The following TTC28 variants were observed in gnomAD, a reference collection of about 807,000 sequenced individuals.
The protein encoded by TTC28 is tetratricopeptide repeat domain 28, also known as tetratricopeptide repeat protein 28.
Under a neutral mutation model 198.0 loss-of-function variants are expected in TTC28, and 61 were observed. The observed-to-expected ratio is 0.31, with a 90% confidence interval of 0.25 to 0.38. The LOEUF is 0.38. TTC28 is among the 10% of genes least tolerant of loss of function. TTC28 has a pLI of 1.00. For synonymous variants in TTC28, 1,171 were observed against 1,297.8 expected (o/e 0.90, Z 2.10); for missense variants, 2,678 against 3,164.0 (o/e 0.85, Z 3.69).
intron 2 of TTC28, among the ~76,000 whole-genome samples, chr22:28,449,599 C>G (rs1242910508): frequency 6.6e-6 from 1 of 152,170 alleles, no homozygotes; most frequent in East Asian, 1.9e-4. Context: ...TCAAGTCAGT[C>G]AGATCCAAAG....
intron 1 of TTC28, among the ~76,000 whole-genome samples, chr22:28,650,257 T>C (rs2051543750): frequency 6.6e-6 from 1 of 152,076 alleles, no homozygotes; most frequent in South Asian, 2.1e-4. Context: ...AAAGGAAAAT[T>C]GATCACCCTT....
At chr22:28,564,035 C>T (rs1054798994) in intron 2 of TTC28, among the ~76,000 whole-genome samples, 2 of 152,120 alleles carry the variant, frequency 1.3e-5, no homozygotes, top group African/African-American at 4.8e-5. Context: ...AAACCAGATA[C>T]AAATAATCAC....
intron 2 of TTC28, among the ~76,000 whole-genome samples, chr22:28,321,332 T>C (rs2145848569): frequency 6.6e-6 from 1 of 152,356 alleles, no homozygotes; most frequent in African/African-American, 2.4e-5. Flanking sequence ...AATCAACGGT[T>C]GCTAATGGAA....
intron 2 of TTC28, among the ~76,000 whole-genome samples, chr22:28,497,674 A>T (rs2048476198): frequency 6.6e-6 from 1 of 152,212 alleles, no homozygotes; most frequent in Non-Finnish European, 1.5e-5. Flanking sequence ...GGGATCGGAA[A>T]TACATATGTA....
In TTC28 at chr22:28,590,188, C is replaced by T. The variant is rs572971676; in HGVS notation, c.381+39364G>A. 2.3e-3 allele frequency among the ~76,000 whole-genome samples: 344 copies of T among 147,536 alleles called. 5 individuals carry two copies. Among genetic ancestry groups the T allele is most frequent in the Admixed American group, 2.1e-3 (31 of 14,824 alleles). ...TGTCGCCCAGGCTGGAGTGCAGCGG[C>T]GCAATCTCGGCTCACTGCAAGCTCC... On this transcript the variant is annotated intron_variant, in intron 2 of 22. Transcript: ENST00000397906.
In TTC28 at chr22:28,105,552, C is replaced by A; in HGVS notation, c.3034G>T (p.Glu1012Ter). Residue 1012 changes from glutamate to a stop codon, truncating the protein, a stop_gained, in exon 8 of 23, where the codon GAG becomes TAG. Transcript: ENST00000397906. LOFTEE classifies it high-confidence loss of function. Reference protein sequence around the residue: ...GLGGVYQQMGEYDTALQYHQL... With the variant: ...GLGGVYQQMG ...TGGTACTGCAGGGCTGTGTCATACT[C>A]CCCCATCTGCTGGTAAACGCCCCCC... 1 of 1,551,716 alleles carries A rather than the reference C, an allele frequency of 6.4e-7. No homozygotes were observed. Among genetic ancestry groups the A allele is most frequent in the South Asian group, 1.2e-5 (1 of 84,062 alleles).
chr22:28,041,584 C>T (rs1366645095), intron 12 of TTC28, among the ~76,000 whole-genome samples: 1 of 151,956 alleles, frequency 6.6e-6, no homozygotes, highest in Non-Finnish European at 1.5e-5. Flanking sequence ...AAATTAACTC[C>T]AGATGGATTT....
intron 6 of TTC28, among the ~76,000 whole-genome samples, chr22:28,152,056 T>C (rs1165064297): frequency 6.6e-6 from 1 of 152,224 alleles, no homozygotes; most frequent in Admixed American, 6.5e-5. Context: ...GGATCCTGCC[T>C]CTGCTGCTTA....
At chr22:28,303,856 C>CAAAAAAAAAAAAAAAA (rs202209435) in intron 3 of TTC28, 1 of 99,454 alleles carries the variant, frequency 1.0e-5, no homozygotes, top group Non-Finnish European at 2.1e-5. Flanking sequence ...CTTTAAAATA[C>CAAAAAAAAAAAAAAAA]AAAAAAAAAA....
chr22:28,427,164 T>C (rs2047362498), intron 2 of TTC28, among the ~76,000 whole-genome samples: 1 of 152,256 alleles, frequency 6.6e-6, no homozygotes, highest in South Asian at 2.1e-4. Flanking sequence ...TGGGGAAATA[T>C]TAAATTCAGA....
At chr22:28,071,960 A>G (rs1940999306) in intron 12 of TTC28, among the ~76,000 whole-genome samples, 1 of 152,134 alleles carries the variant, frequency 6.6e-6, no homozygotes, top group Non-Finnish European at 1.5e-5. Flanking sequence ...ATGTGTTACT[A>G]GGAATCGGAA....
rs370892327 is a variant in TTC28, at chr22:28,101,185, C to T, written c.3403G>A (p.Glu1135Lys). The change falls in exon 9 of 23, where the codon GAG becomes AAG. Residue 1135 changes from glutamate to lysine, a missense_variant. Glu to Lys is a moderately conservative substitution (Grantham distance 56, BLOSUM62 1). Transcript: ENST00000397906. ...LSLWASGNLE[E>K]AQHQLYRASA... Reference sequence around the variant, plus strand: ...GTTCTGCTTACCTGGTGTTGGGCCTCCTCCAAGTTTCCACTAGCCCAAAGG... The same window carrying T: ...GTTCTGCTTACCTGGTGTTGGGCCTTCTCCAAGTTTCCACTAGCCCAAAGG... 2.3e-5 allele frequency: 36 copies of T among 1,550,696 alleles called. No individual in the cohort carries two copies. The highest frequency in any genetic ancestry group is 1.7e-4 in the Middle Eastern group (1 of 6,012).
chr22:28,537,301 A>AATAAC (rs2049306367), intron 2 of TTC28, among the ~76,000 whole-genome samples: 235 of 124,124 alleles, frequency 1.9e-3, no homozygotes, highest in Middle Eastern at 4.0e-3. Flanking sequence ...TCAAAAATAA[A>AATAAC]ATAAAATAAA....
At chr22:28,375,946 C>T (rs1182557652) in intron 2 of TTC28, among the ~76,000 whole-genome samples, 1 of 152,144 alleles carries the variant, frequency 6.6e-6, no homozygotes, top group African/African-American at 2.4e-5. Context: ...GGTTCTTAGG[C>T]CTTTAGCCTT....
chr22:28,486,213 C>CT (rs1403277541), intron 2 of TTC28, among the ~76,000 whole-genome samples: 5 of 151,948 alleles, frequency 3.3e-5, no homozygotes, highest in African/African-American at 1.2e-4. Context: ...AGGAAAATTG[C>CT]TTTTACTTAT....
At chr22:28,058,897 C>T (rs1940400390) in intron 12 of TTC28, among the ~76,000 whole-genome samples, 1 of 151,868 alleles carries the variant, frequency 6.6e-6, no homozygotes, top group Non-Finnish European at 1.5e-5. Context: ...GAAAGTTGTT[C>T]ATAGTATTCT....
chr22:28,503,733 G>T (rs1231667232), intron 2 of TTC28, among the ~76,000 whole-genome samples: 1 of 152,154 alleles, frequency 6.6e-6, no homozygotes, highest in Non-Finnish European at 1.5e-5. Flanking sequence ...AGATTATCAA[G>T]ATGCTGATAA....
At chr22:28,230,835 A>C (rs1312686565) in intron 5 of TTC28, among the ~76,000 whole-genome samples, 1 of 152,158 alleles carries the variant, frequency 6.6e-6, no homozygotes, top group Admixed American at 6.5e-5. Flanking sequence ...AATCCTCCTC[A>C]GCCAAGAGAA....
At chr22:28,262,233 C>T (rs1241381803) in intron 5 of TTC28, among the ~76,000 whole-genome samples, 1 of 152,100 alleles carries the variant, frequency 6.6e-6, no homozygotes, top group Non-Finnish European at 1.5e-5. Flanking sequence ...AGCAGAGACA[C>T]CTTGGTGTCT....
Sources: gnomAD v4.1 joint callset for allele counts (sites outside exome capture counted in the v4.1 genomes callset) on GRCh38, gnomAD v4.1.1 for gene constraint, MANE v1.5 for transcripts, NCBI Gene and HGNC (gene_info 2026-07-23, HGNC 2026-07-21) for gene names.